Variants in SIRT6 observed in about 807,000 individuals in gnomAD.
The protein encoded by SIRT6 is NAD-dependent protein deacylase sirtuin-6.
In SIRT6, 21 loss-of-function variants were observed where a neutral mutation model predicts 33.6. That is an observed-to-expected ratio of 0.62 (90% confidence interval 0.44 to 0.90). SIRT6 has a LOEUF of 0.90. Among genes scored for constraint, SIRT6 ranks in the 40% least tolerant of loss-of-function variants. The probability of loss-of-function intolerance (pLI) is 0.00; values close to 1 mark genes in which losing one functional copy is unlikely to be tolerated. For missense variants in SIRT6, 504 were observed against 510.6 expected (o/e 0.99, Z 0.12); for synonymous variants, 221 against 223.9 (o/e 0.99, Z 0.12).
chr19:4,179,061 TG>T, intron 3 of SIRT6, 42 bp downstream of exon 3: 2 of 1,602,016 alleles, frequency 1.2e-6, no homozygotes, highest in Non-Finnish European at 1.7e-6. Context: ...ACACGGTTTG[TG>T]GGGCCCCAAG....
At chr19:4,176,959 A>C in intron 4 of SIRT6, 120 bp downstream of exon 4, 2 of 491,702 alleles carry the variant, frequency 4.1e-6, no homozygotes, top group Non-Finnish European at 6.4e-6. Context: ...ACACGCCCCC[A>C]GATCCCCCCA....
chr19:4,180,959 G>A, intron 1 of SIRT6, 50 bp from the exon 2 acceptor site: 1 of 1,533,726 alleles, frequency 6.5e-7, no homozygotes, highest in Non-Finnish European at 8.8e-7. Flanking sequence ...CCCCCAAGTG[G>A]CAAGGCCACG....
At chr19:4,177,229 A>T (rs1967360854) in intron 3 of SIRT6, 91 bp from the exon 4 acceptor site, 1 of 1,276,548 alleles carries the variant, frequency 7.8e-7, no homozygotes. Context: ...CTCCTCCAGG[A>T]AGGCTTCCCG....
chr19:4,180,837 C>A lies in SIRT6; in HGVS notation c.139G>T (p.Val47Leu). The change falls in exon 2 of 8, where the codon GTG becomes TTG. Residue 47 changes from valine to leucine, a missense_variant. Val to Leu is a conservative substitution (Grantham distance 32, BLOSUM62 1). Coordinates refer to ENST00000337491, the MANE Select transcript of SIRT6 (RefSeq NM_016539.4). ...ATGCCGGCACCCGTGTGGAACACCA[C>A]ACTGGAAGACTGCCAGACCAGCCTC... is the stretch of plus-strand genomic sequence containing the variant. Reference protein sequence around the residue: ...LARLVWQSSSVVFHTGAGIST... With the variant: ...LARLVWQSSSLVFHTGAGIST... 6.2e-7 allele frequency: 1 copy of A among 1,613,708 alleles called. No homozygotes were observed. Among genetic ancestry groups the A allele is most frequent in the Non-Finnish European group, 8.5e-7 (1 of 1,179,910 alleles).
intron 4 of SIRT6, 77 bp from the exon 5 acceptor site, chr19:4,176,014 GT>G: frequency 1.1e-5 from 14 of 1,324,890 alleles, no homozygotes; most frequent in Non-Finnish European, 1.5e-5. Context: ...CTAGGGTGAC[GT>G]TCTCCCAGGG....
intron 3 of SIRT6, 130 bp from the exon 4 acceptor site, chr19:4,177,268 CCTT>C (rs1410089513): frequency 3.9e-6 from 3 of 765,636 alleles, no homozygotes; most frequent in African/African-American, 1.7e-5. Flanking sequence ...TTGATCAACT[CCTT>C]CTTTCTGGCT....
Position 4,182,490 on chromosome 19 carries a change from T to G in SIRT6, c.50A>C (p.Lys17Thr), listed in dbSNP as rs1599377618. ...AGLSPYADKG[K>T]CGLPEIFDPP... ...CGCGCTCACCTCCGGGAGGCCGCAC[T>G]TGCCCTTGTCCGCGTACGGCGACAG... Residue 17 changes from lysine to threonine, a missense_variant, in exon 1 of 8, where the codon AAG becomes ACG. Coordinates refer to ENST00000337491, the MANE Select transcript of SIRT6 (RefSeq NM_016539.4). 6.2e-7 allele frequency: 1 copy of G among 1,611,350 alleles called. No homozygotes were observed. The highest frequency in any genetic ancestry group is 8.5e-7 in the Non-Finnish European group (1 of 1,179,098).
chr19:4,176,634 T>C (rs1246988433), intron 4 of SIRT6, among the ~76,000 whole-genome samples: 1 of 151,822 alleles, frequency 6.6e-6, no homozygotes, highest in Non-Finnish European at 1.5e-5. Context: ...TGGCTGTAGG[T>C]CCAGGACCAC....
intron 6 of SIRT6, 153 bp downstream of exon 6, chr19:4,175,527 G>A (rs994851206): frequency 2.9e-5 from 20 of 697,014 alleles, no homozygotes; most frequent in African/African-American, 7.2e-5. Context: ...GTGTGAGTGC[G>A]TGTGTGCAGC....
chr19:4,177,053 C>T (rs773255675), intron 4 of SIRT6, 26 bp downstream of exon 4: 85 of 1,606,002 alleles, frequency 5.3e-5, no homozygotes, highest in African/African-American at 9.4e-5. Flanking sequence ...GCAGAGCCCC[C>T]ACCCCTGCAC....
chr19:4,175,311 T>A, intron 6 of SIRT6, 160 bp from the exon 7 acceptor site: 3 of 986,664 alleles, frequency 3.0e-6, no homozygotes. Flanking sequence ...CCTGCCCTCC[T>A]CTGCGGTCCG....
intron 2 of SIRT6, chr19:4,179,587 G>A (rs1263309210): frequency 1.3e-5 from 6 of 456,268 alleles, no homozygotes; most frequent in Middle Eastern, 5.6e-4. Flanking sequence ...GAATTCACAC[G>A]AAGGCAAAAA....
intron 6 of SIRT6, 161 bp downstream of exon 6, chr19:4,175,519 G>A: frequency 3.0e-6 from 2 of 671,560 alleles, no homozygotes; most frequent in South Asian, 3.9e-5. Flanking sequence ...ACGAGTGTGT[G>A]TGAGTGCGTG....
In SIRT6 at chr19:4,177,132, T is replaced by C. The variant is rs758591397; in HGVS notation, c.384A>G (p.Lys128=). ...ACATGTTCCCGTGGAGCTCTGCCAG[T>C]TTGTCCCTGTGGGAAGAGCAGGAAG... ...LHVRSGFPRD[K]LAELHGNMFV... The change falls in exon 4 of 8, where the codon AAA becomes AAG. Residue 128 remains lysine (K), a synonymous_variant. Transcript: ENST00000337491. 5 of 1,613,312 alleles carry C rather than the reference T, an allele frequency of 3.1e-6. No individual in the cohort carries two copies. The Admixed American group carries it at 6.7e-5, about 22-fold the overall frequency.
chr19:4,177,279 G>A (rs1967363751), intron 3 of SIRT6, 141 bp from the exon 4 acceptor site: 1 of 707,638 alleles, frequency 1.4e-6, no homozygotes, highest in South Asian at 1.8e-5. Context: ...CTTCTTTCTG[G>A]CTCTTCTAGC....
rs1364112305 is a variant in SIRT6, at chr19:4,176,996, A to G, written c.437+83T>C. ...GAGGGCCACACCCCAGTCCCCCCAT[A>G]CCCTCTGGGTCTCTGGGACATCGGA... On this transcript the variant is annotated intron_variant, in intron 4 of 7. Coordinates refer to ENST00000337491, the MANE Select transcript of SIRT6 (RefSeq NM_016539.4). 3 of 1,209,588 alleles carry G rather than the reference A, an allele frequency of 2.5e-6. No homozygotes were observed. In the East Asian group the frequency reaches 8.0e-5, roughly 32 times the overall value. The allele number at this position is 1,209,588 out of a possible 1,614,324, so 74.9% of individuals were successfully genotyped here.
chr19:4,175,359 T>C, intron 6 of SIRT6: 1 of 691,366 alleles, frequency 1.4e-6, no homozygotes. Context: ...CCTTAGACAC[T>C]TCCGGGGAGT....
intron 4 of SIRT6, 140 bp from the exon 5 acceptor site, chr19:4,176,077 G>T: frequency 1.5e-6 from 1 of 664,882 alleles, no homozygotes; most frequent in Non-Finnish European, 2.6e-6. Flanking sequence ...CACGGAACGA[G>T]TAGCCTTCCA....
At position 4,175,684 on chromosome 19, in the gene SIRT6, T is replaced by C. The variant is rs778587368; in HGVS notation, c.610A>G (p.Ser204Gly). 5.1e-6 allele frequency: 8 copies of C among 1,555,082 alleles called. No homozygotes were observed. The South Asian group carries it at 7.3e-5, about 14-fold the overall frequency. Residue 204 changes from serine to glycine, a missense_variant, in exon 6 of 8, where the codon AGC (serine) becomes GGC (glycine). By Grantham distance (56) the Ser-to-Gly change is moderately conservative (BLOSUM62 0). Coordinates refer to ENST00000337491, the MANE Select transcript of SIRT6 (RefSeq NM_016539.4). ...CCTGGGGGTGGGGGGTCAGACCTGC[T>C]GGCCTCATCGGCGAGTGCCAGGTCC... is the stretch of plus-strand genomic sequence containing the variant. ...DRDLALADEA[S>G]RNADLSITLG...
Sources: allele counts gnomAD v4.1 joint callset (sites outside exome capture counted in the v4.1 genomes callset), GRCh38; gene constraint gnomAD v4.1.1; transcripts MANE v1.5; gene names NCBI Gene and HGNC (gene_info 2026-07-23, HGNC 2026-07-21).